AKAP19: variants seen among roughly 807,000 people sequenced by gnomAD.
The protein encoded by AKAP19 is A-kinase anchoring protein 19, also known as small A-kinase anchoring protein.
At chr2:190,061,139 C>T in the AKAP19 span, among the ~76,000 whole-genome samples, 1 of 152,126 alleles carries the variant, frequency 6.6e-6, no homozygotes, top group African/African-American at 2.4e-5. Context: ...GGTAAATCTG[C>T]TCCAGACCTA....
chr2:189,991,611 G>A, the AKAP19 span, among the ~76,000 whole-genome samples: 1 of 152,152 alleles, frequency 6.6e-6, no homozygotes, highest in Non-Finnish European at 1.5e-5. Context: ...TTTGTTGGAA[G>A]TATAGTTTGT....
the AKAP19 span, chr2:190,200,023 A>C: frequency 1.9e-6 from 3 of 1,614,134 alleles, no homozygotes; most frequent in Non-Finnish European, 2.5e-6. Flanking sequence ...TCCAGGGACC[A>C]ATACTGTGAT....
the AKAP19 span, among the ~76,000 whole-genome samples, chr2:189,987,855 G>A: frequency 1.3e-5 from 2 of 152,162 alleles, no homozygotes; most frequent in African/African-American, 2.4e-5. Context: ...CCTAGACAGA[G>A]CAAATTTATC....
At chr2:190,118,802 A>T in the AKAP19 span, among the ~76,000 whole-genome samples, 3 of 152,216 alleles carry the variant, frequency 2.0e-5, no homozygotes, top group Non-Finnish European at 2.9e-5. Context: ...CTTTGAAAAC[A>T]GGCACAAGAC....
chr2:190,058,688 A>G, the AKAP19 span, among the ~76,000 whole-genome samples: 2 of 152,014 alleles, frequency 1.3e-5, no homozygotes, highest in Admixed American at 6.6e-5. Context: ...AAAAGAGTAA[A>G]GGAATGTCTT....
the AKAP19 span, among the ~76,000 whole-genome samples, chr2:190,092,822 G>A: frequency 1.3e-5 from 2 of 151,990 alleles, no homozygotes; most frequent in East Asian, 3.9e-4. Context: ...TTATTTCCTT[G>A]TTGTGAGGAT....
chr2:190,137,544 C>G, the AKAP19 span, among the ~76,000 whole-genome samples: 8 of 152,182 alleles, frequency 5.3e-5, no homozygotes, highest in Non-Finnish European at 1.2e-4. Flanking sequence ...AGGTCTTCAT[C>G]TTTTTGTCCA....
chr2:190,038,907 C>CTTCTTA, the AKAP19 span, among the ~76,000 whole-genome samples: 2 of 75,970 alleles, frequency 2.6e-5, no homozygotes, highest in East Asian at 5.3e-4. Flanking sequence ...TTTCTTTCTT[C>CTTCTTA]TTCTTCTTCT....
chr2:190,138,990 TTCTTTTCACA>T, the AKAP19 span, among the ~76,000 whole-genome samples: 1 of 149,894 alleles, frequency 6.7e-6, no homozygotes, highest in Non-Finnish European at 1.5e-5. Context: ...AATTTATGCA[TTCTTTTCACA>T]AGCCTTTGTG....
At chr2:189,904,854 C>T in the AKAP19 span, among the ~76,000 whole-genome samples, 3 of 151,932 alleles carry the variant, frequency 2.0e-5, no homozygotes, top group African/African-American at 7.2e-5. Flanking sequence ...TTTAGTTTCT[C>T]ACTTAAGAAA....
chr2:190,130,302 C>A, the AKAP19 span, among the ~76,000 whole-genome samples: 1 of 152,038 alleles, frequency 6.6e-6, no homozygotes, highest in Admixed American at 6.6e-5. Flanking sequence ...AAGGCCTTGA[C>A]CTGGAAATTT....
the AKAP19 span, among the ~76,000 whole-genome samples, chr2:190,039,226 G>T: frequency 6.6e-6 from 1 of 151,720 alleles, no homozygotes; most frequent in African/African-American, 2.4e-5. Flanking sequence ...TTACAGGTGC[G>T]TGCCATCATG....
At chr2:190,102,392 A>G in the AKAP19 span, among the ~76,000 whole-genome samples, 1 of 152,294 alleles carries the variant, frequency 6.6e-6, no homozygotes, top group African/African-American at 2.4e-5. Context: ...AGAATCAATG[A>G]AATCAAAAGT....
At chr2:190,057,580 C>T in the AKAP19 span, 13 of 1,613,284 alleles carry the variant, frequency 8.1e-6, no homozygotes, top group Non-Finnish European at 9.3e-6. Flanking sequence ...ACAGTCAAGA[C>T]CAAAATCCCT....
the AKAP19 span, among the ~76,000 whole-genome samples, chr2:190,011,989 A>G: frequency 6.6e-6 from 1 of 152,146 alleles, no homozygotes; most frequent in Non-Finnish European, 1.5e-5. Context: ...TGGAATTTCA[A>G]TAGGGATTAC....
chr2:190,074,591 C>T, the AKAP19 span, among the ~76,000 whole-genome samples: 2 of 151,686 alleles, frequency 1.3e-5, no homozygotes, highest in South Asian at 4.1e-4. Context: ...TTGGAAGTTG[C>T]AGTGAGCTGA....
the AKAP19 span, among the ~76,000 whole-genome samples, chr2:189,913,041 T>C: frequency 6.6e-6 from 1 of 152,186 alleles, no homozygotes; most frequent in Non-Finnish European, 1.5e-5. Context: ...TGATGCTTTG[T>C]TCATCTTGAA....
At chr2:189,924,303 C>T in the AKAP19 span, 263 of 992,192 alleles carry the variant, frequency 2.7e-4, 2 homozygotes, top group Non-Finnish European at 3.7e-4. Context: ...GATCCTCTCC[C>T]CTAGTATCTT....
At chr2:190,075,364 T>G in the AKAP19 span, among the ~76,000 whole-genome samples, 1 of 152,218 alleles carries the variant, frequency 6.6e-6, no homozygotes, top group Non-Finnish European at 1.5e-5. Context: ...TGTTCAGTTG[T>G]TATTGCATGT....
Sources: allele counts gnomAD v4.1 joint callset (sites outside exome capture counted in the v4.1 genomes callset), GRCh38; gene constraint gnomAD v4.1.1; transcripts MANE v1.5; gene names NCBI Gene and HGNC (gene_info 2026-07-23, HGNC 2026-07-21).